Variants in DHRSX observed in about 807,000 individuals in gnomAD.
DHRSX encodes the protein polyprenol dehydrogenase.
A neutral mutation model predicts 34.0 loss-of-function variants in DHRSX; 31 were observed. The ratio of observed to expected loss-of-function variants is 0.91; its 90% CI spans 0.69 to 1.23. DHRSX has a LOEUF of 1.23. DHRSX is among the 50% of genes most tolerant of loss of function. DHRSX has a pLI of 0.00. For synonymous variants in DHRSX, 201 were observed against 183.8 expected (o/e 1.09, Z -0.76); for missense variants, 414 against 428.1 (o/e 0.97, Z 0.29).
chrX:2,447,287 G>A (rs575872191), intron 1 of DHRSX, among the ~76,000 whole-genome samples: 10 of 152,006 alleles, frequency 6.6e-5, no homozygotes, highest in East Asian at 1.9e-4. Context: ...GACTGCCACC[G>A]TGTACACACT....
chrX:2,225,454 G>A (rs1449651480), intron 6 of DHRSX, among the ~76,000 whole-genome samples: 2 of 151,988 alleles, frequency 1.3e-5, no homozygotes, highest in Admixed American at 6.6e-5. Context: ...ATGCAAACAT[G>A]CTTATATATT....
At chrX:2,330,095 A>G (rs1602954960) in intron 3 of DHRSX, among the ~76,000 whole-genome samples, 99 of 8,046 alleles carry the variant, frequency 0.012, no homozygotes, top group East Asian at 0.02. Context: ...GGGGGGGGGG[A>G]GGGAGGGAGA....
chrX:2,265,440 C>T (rs374401171), intron 5 of DHRSX, among the ~76,000 whole-genome samples: 3 of 61,262 alleles, frequency 4.9e-5, no homozygotes, highest in South Asian at 6.1e-4. Flanking sequence ...GCACCAGTGT[C>T]CAGCAGACGC....
chrX:2,366,404 C>A (rs2042994368), intron 3 of DHRSX, among the ~76,000 whole-genome samples: 1 of 151,466 alleles, frequency 6.6e-6, no homozygotes, highest in African/African-American at 2.4e-5. Context: ...CACGCCACTG[C>A]ACTCCAGCCT....
intron 1 of DHRSX, among the ~76,000 whole-genome samples, chrX:2,481,927 TG>T (rs2044778986): frequency 6.6e-6 from 1 of 152,078 alleles, no homozygotes; most frequent in Admixed American, 6.5e-5. Flanking sequence ...TGGAACGTTC[TG>T]GGGGACACTG....
intron 1 of DHRSX, among the ~76,000 whole-genome samples, chrX:2,433,532 G>C: frequency 6.6e-6 from 1 of 152,092 alleles, no homozygotes; most frequent in East Asian, 1.9e-4. Context: ...TTAGGTATTT[G>C]TCCTAATGCG....
At chrX:2,485,852 AAGAAAGAAGGGAAGGGAG>A (rs1249898411) in intron 1 of DHRSX, among the ~76,000 whole-genome samples, 116 of 112,378 alleles carry the variant, frequency 1.0e-3, no homozygotes, top group South Asian at 2.1e-3. Context: ...AAGGGAGAGA[AAGAAAGAAGGGAAGGGAG>A]GGAAGGAAGG....
At chrX:2,478,718 A>C (rs2044720903) in intron 1 of DHRSX, among the ~76,000 whole-genome samples, 2 of 127,438 alleles carry the variant, frequency 1.6e-5, no homozygotes, top group Admixed American at 1.6e-4. Context: ...GGGACCAACC[A>C]GGGCTGTGAC....
chrX:2,489,707 T>C, intron 1 of DHRSX: 2 of 1,612,924 alleles, frequency 1.2e-6, no homozygotes, highest in Non-Finnish European at 8.5e-7. Context: ...CACGTTCTGC[T>C]GCTTCTGCTT....
At position 2,231,523 on chromosome X, in the gene DHRSX, ATCC is replaced by A. The variant is rs1181846739; in HGVS notation, c.805-10297_805-10295del. Among the ~76,000 whole-genome samples, 132 of 119,614 alleles carry A rather than the reference ATCC, an allele frequency of 1.1e-3. 1 individual carries two copies. The Middle Eastern group carries it at 0.024, about 22-fold the overall frequency. The allele number at this position is 119,614 out of a possible 152,430, so 78.5% of individuals were successfully genotyped here. A position where few individuals can be genotyped will look rare whatever the true frequency, so the allele number is the denominator to read the frequency against. ...TTCCTTCTCCTTCTCTTTCCCCCTT[ATCC>A]TCCTCCTATTCTTCTATCCCTTCCT... On this transcript the variant is annotated intron_variant, in intron 6 of 6. Coordinates refer to ENST00000334651, the MANE Select transcript of DHRSX (RefSeq NM_145177.3).
rs188344513 is a variant in DHRSX, at chrX:2,328,249, C to T, written c.287-36646G>A. 2.7e-3 allele frequency among the ~76,000 whole-genome samples: 397 copies of T among 149,280 alleles called. 1 individual carries two copies. The highest frequency in any genetic ancestry group is 9.4e-3 in the African/African-American group (382 of 40,484). The stretch of plus-strand genomic sequence containing the variant: ...GCCTCCAGGATTGTGGGAGAATAAA[C>T]GTCTGTTGTTTACAAGCCACCCAGT... On this transcript the variant is annotated intron_variant, in intron 3 of 6. Transcript: ENST00000334651.
chrX:2,438,572 GC>G (rs1412823026), intron 1 of DHRSX, among the ~76,000 whole-genome samples: 2 of 151,514 alleles, frequency 1.3e-5, no homozygotes, highest in African/African-American at 4.9e-5. Context: ...GGAGGGTGAG[GC>G]AGGAGAATCG....
At chrX:2,286,245 C>T (rs1332823800) in intron 4 of DHRSX, among the ~76,000 whole-genome samples, 1 of 152,196 alleles carries the variant, frequency 6.6e-6, no homozygotes, top group East Asian at 1.9e-4. Context: ...TGTGCTGAAT[C>T]CATTCTCAGT....
At chrX:2,332,699 T>C (rs1322972881) in intron 3 of DHRSX, among the ~76,000 whole-genome samples, 1 of 152,172 alleles carries the variant, frequency 6.6e-6, no homozygotes, top group African/African-American at 2.4e-5. Context: ...ATCTTTGCAT[T>C]TTAACCCATT....
At chrX:2,265,491 A>G in intron 5 of DHRSX, among the ~76,000 whole-genome samples, 1 of 131,790 alleles carries the variant, frequency 7.6e-6, no homozygotes, top group Non-Finnish European at 1.6e-5. Flanking sequence ...CAGCAGAAGC[A>G]GGGAGCACTG....
At chrX:2,429,753 C>T (rs1169166794) in intron 1 of DHRSX, among the ~76,000 whole-genome samples, 1 of 152,042 alleles carries the variant, frequency 6.6e-6, no homozygotes, top group Admixed American at 6.6e-5. Context: ...TGTCATTTAA[C>T]ATGCTACTGG....
intron 3 of DHRSX, among the ~76,000 whole-genome samples, chrX:2,347,529 A>T (rs1402273975): frequency 6.6e-6 from 1 of 152,210 alleles, no homozygotes; most frequent in Admixed American, 6.5e-5. Flanking sequence ...GCCCGTCTCT[A>T]GTAAAAACAC....
intron 5 of DHRSX, among the ~76,000 whole-genome samples, chrX:2,243,798 T>TTTTTTTTTG (rs2016208303): frequency 2.1e-5 from 2 of 93,820 alleles, no homozygotes; most frequent in African/African-American, 9.2e-5. Flanking sequence ...GTTTTTTTTT[T>TTTTTTTTTG]TTTTTTTTTT....
At chrX:2,274,069 G>T (rs147895059) in intron 4 of DHRSX, among the ~76,000 whole-genome samples, 2,467 of 152,170 alleles carry the variant, frequency 0.016, 33 homozygotes, top group Non-Finnish European at 0.028. Flanking sequence ...GTAAACTCTT[G>T]CTGTGTCACC....
Sources: gnomAD v4.1 joint callset for allele counts (sites outside exome capture counted in the v4.1 genomes callset) on GRCh38, gnomAD v4.1.1 for gene constraint, MANE v1.5 for transcripts, NCBI Gene and HGNC (gene_info 2026-07-23, HGNC 2026-07-21) for gene names.